The following VWC2 variants were observed in gnomAD, a reference collection of about 807,000 sequenced individuals.
VWC2 encodes the protein brorin.
A neutral mutation model predicts 29.8 loss-of-function variants in VWC2; 14 were observed. That is an observed-to-expected ratio of 0.47 (90% confidence interval 0.31 to 0.74). The LOEUF (loss-of-function observed/expected upper bound fraction) is 0.74. VWC2 is among the 30% of genes least tolerant of loss of function. The pLI, the probability that VWC2 is intolerant of heterozygous loss-of-function variation, is 0.05. For missense variants in VWC2, 457 were observed against 459.8 expected (o/e 0.99, Z 0.05); for synonymous variants, 213 against 199.0 (o/e 1.07, Z -0.59).
intron 2 of VWC2, among the ~76,000 whole-genome samples, chr7:49,780,657 C>T (rs866644720): frequency 7.9e-5 from 12 of 152,090 alleles, no homozygotes; most frequent in Non-Finnish European, 1.8e-4. Context: ...CACTGGTTAT[C>T]GTAGCCGATC....
chr7:49,825,828 A>G (rs369796408), intron 3 of VWC2, among the ~76,000 whole-genome samples: 2 of 152,158 alleles, frequency 1.3e-5, no homozygotes, highest in African/African-American at 4.8e-5. Flanking sequence ...ATTTACACCT[A>G]CTTTCTGGCC....
chr7:49,804,446 A>G (rs547486046), intron 3 of VWC2, among the ~76,000 whole-genome samples: 1 of 152,184 alleles, frequency 6.6e-6, no homozygotes, highest in African/African-American at 2.4e-5. Flanking sequence ...ACTGGACGAC[A>G]ACAACTCTCA....
At chr7:49,788,574 CA>C (rs750339839) in intron 2 of VWC2, among the ~76,000 whole-genome samples, 4 of 140,552 alleles carry the variant, frequency 2.8e-5, no homozygotes, top group Non-Finnish European at 6.1e-5. Context: ...TGAGTGTGGG[CA>C]TGTGCGACAC....
chr7:49,803,848 G>C (rs1056099434), intron 3 of VWC2, among the ~76,000 whole-genome samples: 1 of 152,122 alleles, frequency 6.6e-6, no homozygotes, highest in Non-Finnish European at 1.5e-5. Flanking sequence ...GGGTACCTTC[G>C]ACCACGTACC....
At chr7:49,848,441 A>T (rs1386723244) in intron 3 of VWC2, among the ~76,000 whole-genome samples, 3 of 152,212 alleles carry the variant, frequency 2.0e-5, no homozygotes, top group African/African-American at 4.8e-5. Flanking sequence ...CCCAGGACAC[A>T]TGGGATCCTC....
intron 2 of VWC2, among the ~76,000 whole-genome samples, chr7:49,788,305 T>A (rs1788346826): frequency 6.6e-6 from 1 of 152,202 alleles, no homozygotes; most frequent in African/African-American, 2.4e-5. Context: ...CGAGCAGGGC[T>A]GTTGGAGCCC....
chr7:49,895,359 G>A (rs946908772), intron 3 of VWC2, among the ~76,000 whole-genome samples: 3 of 152,144 alleles, frequency 2.0e-5, no homozygotes, highest in Admixed American at 6.5e-5. Flanking sequence ...TTCAATGTAC[G>A]AATTCCAGGG....
intron 3 of VWC2, among the ~76,000 whole-genome samples, chr7:49,884,697 C>T (rs538686493): frequency 2.6e-4 from 39 of 152,250 alleles, no homozygotes; most frequent in African/African-American, 8.7e-4. Flanking sequence ...TGTGTCAACA[C>T]CTGTGAGATT....
At chr7:49,801,800 T>C (rs1216837137) in intron 2 of VWC2, among the ~76,000 whole-genome samples, 1 of 152,276 alleles carries the variant, frequency 6.6e-6, no homozygotes, top group Non-Finnish European at 1.5e-5. Flanking sequence ...CTCAGTTTCC[T>C]GTTAGTACAA....
chr7:49,835,783 G>C (rs550967646), intron 3 of VWC2, among the ~76,000 whole-genome samples: 1 of 152,296 alleles, frequency 6.6e-6, no homozygotes, highest in East Asian at 1.9e-4. Flanking sequence ...TTGATGGATT[G>C]ACTGATACTG....
At chr7:49,774,421 C>T (rs532165292) in intron 1 of VWC2, among the ~76,000 whole-genome samples, 1 of 152,202 alleles carries the variant, frequency 6.6e-6, no homozygotes, top group African/African-American at 2.4e-5. Context: ...TTGCCGGTGT[C>T]CTGCGGCGTC....
chr7:49,911,828 C>T (rs908843142), intron 3 of VWC2, among the ~76,000 whole-genome samples: 1 of 151,536 alleles, frequency 6.6e-6, no homozygotes, highest in African/African-American at 2.4e-5. Flanking sequence ...ATCCGGGAGG[C>T]AGAAGTTGCA....
chr7:49,907,045 C>G lies in VWC2; in HGVS notation c.827-4989C>G, dbSNP rs1257207132. On this transcript the variant is annotated intron_variant, in intron 3 of 3. Coordinates refer to ENST00000340652, the MANE Select transcript of VWC2 (RefSeq NM_198570.5). ...ACAATGGTGAAGGCACACAGTGGAGCCATAAAGAACAAGTACTGGGTCTGT... is the reference window on the plus strand; with the variant it reads ...ACAATGGTGAAGGCACACAGTGGAGGCATAAAGAACAAGTACTGGGTCTGT... Among the ~76,000 whole-genome samples, 3 of 151,970 alleles carry G rather than the reference C, an allele frequency of 2.0e-5. No homozygotes were observed. In the East Asian group the frequency reaches 5.8e-4, roughly 29 times the overall value.
At chr7:49,870,577 G>A (rs960834420) in intron 3 of VWC2, among the ~76,000 whole-genome samples, 2 of 152,128 alleles carry the variant, frequency 1.3e-5, no homozygotes, top group Non-Finnish European at 2.9e-5. Flanking sequence ...GCTGAATACA[G>A]GGCATGTCTT....
Position 49,775,420 on chromosome 7 carries a change from C to CCGG in VWC2, c.-16_-15insCGG. On this transcript the variant is annotated 5_prime_UTR_variant, in exon 2 of 4. Coordinates refer to ENST00000340652, the MANE Select transcript of VWC2 (RefSeq NM_198570.5). ...CCGCGCTCCCCGCCCGCCCGCCCGC[C>CCGG]GGGACGTGGTAGGGGATGCCCAGCT... The CCGG allele has an allele frequency of 3.0e-6, 4 of 1,337,494 alleles. No homozygotes were observed. Among genetic ancestry groups the CCGG allele is most frequent in the Non-Finnish European group, 3.8e-6 (4 of 1,045,434 alleles). The allele number at this position is 1,337,494 out of a possible 1,614,324, so 82.9% of individuals were successfully genotyped here. A position where few individuals can be genotyped will look rare whatever the true frequency, so the allele number is the denominator to read the frequency against.
intron 3 of VWC2, among the ~76,000 whole-genome samples, chr7:49,866,945 C>G: frequency 6.6e-6 from 1 of 152,208 alleles, no homozygotes; most frequent in Non-Finnish European, 1.5e-5. Context: ...CACACAGACC[C>G]AGAAGCCCAC....
intron 2 of VWC2, among the ~76,000 whole-genome samples, chr7:49,791,948 T>C (rs1788469648): frequency 6.6e-6 from 1 of 152,228 alleles, no homozygotes; most frequent in South Asian, 2.1e-4. Flanking sequence ...TCTACTTACT[T>C]GTGTCTGCTC....
Position 49,775,825 on chromosome 7 carries a change from G to T in VWC2, c.390G>T (p.Ala130=). The T allele has an allele frequency of 6.5e-7, 1 of 1,545,634 alleles. No individual in the cohort carries two copies. Among genetic ancestry groups the T allele is most frequent in the Non-Finnish European group, 8.7e-7 (1 of 1,145,664 alleles). The part of the protein sequence containing the change: ...AEALAAAAQD[A]IGPELAPTPE... ...CCCTGGCCGCAGCCGCCCAGGACGC[G>T]ATTGGCCCGGAACTCGCGCCCACGC... The change falls in exon 2 of 4, where the codon GCG becomes GCT. Residue 130 remains alanine (A), a synonymous_variant. Transcript: ENST00000340652.
chr7:49,843,262 C>G (rs914851873), intron 3 of VWC2, among the ~76,000 whole-genome samples: 1 of 152,152 alleles, frequency 6.6e-6, no homozygotes, highest in Non-Finnish European at 1.5e-5. Flanking sequence ...AATTCAAATT[C>G]TGGTTTAAAC....
Sources: allele counts gnomAD v4.1 joint callset (sites outside exome capture counted in the v4.1 genomes callset), GRCh38; gene constraint gnomAD v4.1.1; transcripts MANE v1.5; gene names NCBI Gene and HGNC (gene_info 2026-07-23, HGNC 2026-07-21).